The following NPR3 variants were observed in gnomAD, a reference collection of about 807,000 sequenced individuals.
NPR3 encodes atrial natriuretic peptide receptor 3.
In NPR3, 34 loss-of-function variants were observed where a neutral mutation model predicts 54.5. The ratio of observed to expected loss-of-function variants is 0.62; its 90% CI spans 0.47 to 0.83. The LOEUF (loss-of-function observed/expected upper bound fraction) is 0.83, where lower values mean the gene tolerates loss of function less well. Ranked by LOEUF, NPR3 falls within the 40% of genes least tolerant of loss-of-function variation. The pLI, the probability that NPR3 is intolerant of heterozygous loss-of-function variation, is 0.00. For synonymous variants in NPR3, 289 were observed against 297.1 expected (o/e 0.97, Z 0.28); for missense variants, 674 against 720.8 (o/e 0.94, Z 0.74).
chr5:32,701,878 G>A (rs552086802), intron 1 of NPR3, among the ~76,000 whole-genome samples: 10 of 152,256 alleles, frequency 6.6e-5, no homozygotes, highest in African/African-American at 2.2e-4. Context: ...CCAAACAAAC[G>A]GAGTCTCTCT....
intron 3 of NPR3, among the ~76,000 whole-genome samples, chr5:32,750,113 G>A (rs1210841187): frequency 6.6e-6 from 1 of 152,080 alleles, no homozygotes. Flanking sequence ...CAGTTCTATT[G>A]AGTCAGTTAC....
At chr5:32,712,588 G>C in intron 1 of NPR3, 43 bp downstream of exon 1, 9 of 1,481,120 alleles carry the variant, frequency 6.1e-6, no homozygotes, top group Non-Finnish European at 8.1e-6. Context: ...TAACCCAACC[G>C]CTCTCCGCGG....
intron 1 of NPR3, among the ~76,000 whole-genome samples, 161 bp downstream of exon 1, chr5:32,712,706 C>G (rs1221870389): frequency 6.6e-6 from 1 of 152,244 alleles, no homozygotes; most frequent in African/African-American, 2.4e-5. Context: ...CTGCGACAAC[C>G]TTTGACGACC....
At chr5:32,736,221 A>C (rs778776393) in intron 2 of NPR3, among the ~76,000 whole-genome samples, 17 of 124,620 alleles carry the variant, frequency 1.4e-4, no homozygotes, top group Non-Finnish European at 2.2e-4. Flanking sequence ...ACAGAGAGAC[A>C]CTCTGTCTCA....
At position 32,786,565 on chromosome 5, in the gene NPR3, C is replaced by T. The variant is rs181586604; in HGVS notation, c.*220C>T. 5.8e-6 allele frequency: 3 copies of T among 519,908 alleles called. No homozygotes were observed. In the African/African-American group the frequency reaches 6.0e-5, roughly 10 times the overall value. 32.2% of individuals were successfully genotyped at this position (519,908 alleles called of 1,614,324 possible). ...TGACAAACAAATATAATAATGATATCGTGTCACTCTGTTAAATGTTCATAC... is the reference window on the plus strand; with the variant it reads ...TGACAAACAAATATAATAATGATATTGTGTCACTCTGTTAAATGTTCATAC... On this transcript the variant is annotated 3_prime_UTR_variant, in exon 8 of 8. Transcript: ENST00000265074.
At position 32,738,895 on chromosome 5, in the gene NPR3, C is replaced by A; in HGVS notation, c.924C>A (p.His308Gln). Reference protein sequence around the residue: ...GDGSWKRGDKHDFEAKQAYSS... With the variant: ...GDGSWKRGDKQDFEAKQAYSS... ...GCTCATGGAAGAGAGGAGACAAACA[C>A]GACTTTGAAGCTAAGCAAGCATACT... The change falls in exon 3 of 8, where the codon CAC becomes CAA. Residue 308 changes from histidine (H) to glutamine (Q), a missense_variant. By Grantham distance (24) the His-to-Gln change is conservative. Coordinates refer to ENST00000265074, the MANE Select transcript of NPR3 (RefSeq NM_001204375.2). The A allele has an allele frequency of 6.2e-7, 1 of 1,613,746 alleles. No individual in the cohort carries two copies. Among genetic ancestry groups the A allele is most frequent in the Middle Eastern group, 1.6e-4 (1 of 6,062 alleles).
At chr5:32,752,464 A>G (rs1740627835) in intron 3 of NPR3, among the ~76,000 whole-genome samples, 1 of 152,144 alleles carries the variant, frequency 6.6e-6, no homozygotes, top group Non-Finnish European at 1.5e-5. Context: ...ATGAAGCTGT[A>G]TTTGCCGCCC....
chr5:32,753,701 G>A (rs983019126), intron 3 of NPR3, among the ~76,000 whole-genome samples: 51 of 142,214 alleles, frequency 3.6e-4, no homozygotes, highest in Admixed American at 6.1e-4. Context: ...CAGTAGAGTA[G>A]CTTTACCAGG....
chr5:32,759,315 T>C (rs1283736962), intron 3 of NPR3, among the ~76,000 whole-genome samples: 3 of 152,256 alleles, frequency 2.0e-5, no homozygotes, highest in Non-Finnish European at 1.5e-5. Context: ...ATATTTAAGA[T>C]AATTAGCTCT....
Position 32,721,657 on chromosome 5 carries a change from C to T in NPR3, c.770-3041C>T, listed in dbSNP as rs759727516. On this transcript the variant is annotated intron_variant, in intron 1 of 7. Coordinates refer to ENST00000265074, the MANE Select transcript of NPR3 (RefSeq NM_001204375.2). ...GAGAGTCTGTCTCCAAACAAATGAA[C>T]CAGCAAACAAAATAACAACAGAAAA... is the stretch of plus-strand genomic sequence containing the variant. 1.2e-3 allele frequency among the ~76,000 whole-genome samples: 186 copies of T among 152,154 alleles called. 5 individuals are homozygous for T. The highest frequency in any genetic ancestry group is 4.1e-4 in the Non-Finnish European group (28 of 68,008).
At chr5:32,710,590 A>AG, upstream of NPR3, 1 of 1,373,680 alleles carries the variant, frequency 7.3e-7, no homozygotes, top group Non-Finnish European at 9.5e-7. Flanking sequence ...GCCCAGGGGG[A>AG]GGGGGCTGGC....
intron 3 of NPR3, among the ~76,000 whole-genome samples, chr5:32,773,510 C>T (rs978251764): frequency 9.9e-5 from 15 of 152,158 alleles, no homozygotes; most frequent in African/African-American, 3.4e-4. Context: ...CTCCTGCTCC[C>T]AGCCGAGCAA....
chr5:32,745,762 A>G (rs1224729003), intron 3 of NPR3, among the ~76,000 whole-genome samples: 1 of 152,184 alleles, frequency 6.6e-6, no homozygotes, highest in East Asian at 1.9e-4. Flanking sequence ...CACTTGGCAA[A>G]GTCTGGCTAG....
chr5:32,753,502 C>G (rs1740678135), intron 3 of NPR3, among the ~76,000 whole-genome samples: 1 of 151,916 alleles, frequency 6.6e-6, no homozygotes, highest in South Asian at 2.1e-4. Context: ...GCAGTTATAC[C>G]CATCAGTGTA....
intron 2 of NPR3, among the ~76,000 whole-genome samples, chr5:32,725,580 A>C (rs1184181140): frequency 6.6e-6 from 1 of 152,206 alleles, no homozygotes; most frequent in Non-Finnish European, 1.5e-5. Context: ...TGATACCATC[A>C]TGATCAGAAT....
At chr5:32,722,469 C>A (rs1171259989) in intron 1 of NPR3, among the ~76,000 whole-genome samples, 1 of 152,188 alleles carries the variant, frequency 6.6e-6, no homozygotes, top group African/African-American at 2.4e-5. Context: ...TTCAGATTAC[C>A]TATACATATC....
At chr5:32,724,563 A>T in intron 1 of NPR3, 135 bp from the exon 2 acceptor site, 1 of 986,694 alleles carries the variant, frequency 1.0e-6, no homozygotes, top group Non-Finnish European at 1.5e-6. Flanking sequence ...ATTTGTAGTT[A>T]ACAAGTGATT....
At chr5:32,760,715 C>T in intron 3 of NPR3, among the ~76,000 whole-genome samples, 1 of 147,430 alleles carries the variant, frequency 6.8e-6, no homozygotes, top group Non-Finnish European at 1.5e-5. Context: ...TAATGTTCTG[C>T]TTTTTTGGTA....
At chr5:32,766,024 G>T (rs914795328) in intron 3 of NPR3, among the ~76,000 whole-genome samples, 5 of 152,228 alleles carry the variant, frequency 3.3e-5, no homozygotes, top group African/African-American at 1.2e-4. Context: ...TGGTCTGGGA[G>T]AGCAGCCCCT....
Sources: allele counts gnomAD v4.1 joint callset (sites outside exome capture counted in the v4.1 genomes callset), GRCh38; gene constraint gnomAD v4.1.1; transcripts MANE v1.5; gene names NCBI Gene and HGNC (gene_info 2026-07-23, HGNC 2026-07-21).